Variants in CLIC5 observed in about 807,000 individuals in gnomAD.
CLIC5 encodes chloride intracellular channel protein 5.
CLIC5 carries 20 observed loss-of-function variants against 24.7 expected under a neutral mutation model. That is an observed-to-expected ratio of 0.81 (90% confidence interval 0.57 to 1.18). CLIC5 has a LOEUF of 1.18. CLIC5 is among the 50% of genes most tolerant of loss of function. CLIC5 has a pLI of 0.00. For missense variants in CLIC5, 341 were observed against 326.1 expected (o/e 1.05, Z -0.35); for synonymous variants, 159 against 135.6 (o/e 1.17, Z -1.20).
intron 6 of CLIC5, among the ~76,000 whole-genome samples, chr6:45,882,677 T>C (rs1762273593): frequency 6.6e-6 from 1 of 152,236 alleles, no homozygotes; most frequent in East Asian, 1.9e-4. Context: ...CTCCTTATAA[T>C]TGATGATAAG....
intron 1 of CLIC5, among the ~76,000 whole-genome samples, chr6:46,000,087 C>A (rs956272276): frequency 1.2e-4 from 19 of 152,134 alleles, no homozygotes; most frequent in African/African-American, 4.1e-4. Context: ...TCTGTTATCT[C>A]CTTACTGTAT....
chr6:45,990,799 C>T (rs1765909447), intron 1 of CLIC5, among the ~76,000 whole-genome samples: 1 of 152,164 alleles, frequency 6.6e-6, no homozygotes, highest in Non-Finnish European at 1.5e-5. Context: ...CTGTCAGCTC[C>T]CTTAAGTGGC....
In CLIC5 at chr6:45,987,149, T is replaced by C. The variant is rs144429862; in HGVS notation, c.63+28331A>G. Among the ~76,000 whole-genome samples, 184 of 152,310 alleles carry C rather than the reference T, an allele frequency of 1.2e-3. 1 individual carries two copies. Among genetic ancestry groups the C allele is most frequent in the African/African-American group, 4.2e-3 (175 of 41,574 alleles). ...CATTTGACCCCATTAACTTAGTTGG[T>C]ATGTGGGAAGCTCTGCAAAATGTTT... On this transcript the variant is annotated intron_variant, in intron 1 of 5. Coordinates refer to ENST00000339561, the MANE Select transcript of CLIC5 (RefSeq NM_016929.5).
At chr6:45,988,909 C>T (rs1203295778) in intron 1 of CLIC5, among the ~76,000 whole-genome samples, 6 of 152,114 alleles carry the variant, frequency 3.9e-5, no homozygotes. Flanking sequence ...GGGGGAATGA[C>T]CTGGGGAGAA....
rs368434819 is a variant in CLIC5, at chr6:45,935,501, C to G, written c.406+6046G>C. Among the ~76,000 whole-genome samples the G allele has an allele frequency of 2.6e-5, 4 of 152,328 alleles. No homozygotes were observed. The South Asian group carries it at 8.3e-4, about 32-fold the overall frequency. On this transcript the variant is annotated intron_variant, in intron 4 of 5. Coordinates refer to ENST00000339561, the MANE Select transcript of CLIC5 (RefSeq NM_016929.5). ...GCATGGATGACACTGTGCCCTCCCT[C>G]AAGCCTTCTACTTCAGCACTCTATG... is the stretch of plus-strand genomic sequence containing the variant.
At chr6:46,048,063 C>T (rs2021338) in intron 1 of CLIC5, among the ~76,000 whole-genome samples, 35,364 of 149,026 alleles carry the variant, frequency 0.24, 4,656 homozygotes, top group Admixed American at 0.35. Context: ...AGTGCAGTGG[C>T]GCAATTTTGG....
At chr6:46,099,293 A>G in the CLIC5 span, among the ~76,000 whole-genome samples, 1 of 152,186 alleles carries the variant, frequency 6.6e-6, no homozygotes, top group African/African-American at 2.4e-5. Flanking sequence ...TACCAGACCG[A>G]GTTTTCAGGA....
At chr6:45,995,657 T>C (rs921732578) in intron 1 of CLIC5, among the ~76,000 whole-genome samples, 7 of 152,214 alleles carry the variant, frequency 4.6e-5, no homozygotes, top group African/African-American at 1.7e-4. Context: ...AAATTAGGTG[T>C]TACAATTAAT....
At chr6:46,090,848 C>A in the CLIC5 span, among the ~76,000 whole-genome samples, 1 of 152,248 alleles carries the variant, frequency 6.6e-6, no homozygotes, top group African/African-American at 2.4e-5. Context: ...TGAAATGTAA[C>A]CTAATGTGGT....
chr6:46,053,456 G>C (rs1768160214), intron 1 of CLIC5, among the ~76,000 whole-genome samples: 1 of 152,228 alleles, frequency 6.6e-6, no homozygotes, highest in South Asian at 2.1e-4. Flanking sequence ...ATAAAAGGAT[G>C]AAAGTATGTA....
intron 1 of CLIC5, among the ~76,000 whole-genome samples, chr6:46,075,604 A>C (rs1403633146): frequency 1.3e-5 from 2 of 152,148 alleles, no homozygotes; most frequent in Non-Finnish European, 2.9e-5. Flanking sequence ...ACGAAAACAA[A>C]AACCTGCTCT....
Position 45,902,789 on chromosome 6 carries a change from A to C in CLIC5, c.*299T>G, listed in dbSNP as rs530403654. The C allele has an allele frequency of 4.5e-5, 17 of 376,802 alleles. No individual in the cohort carries two copies. In the South Asian group the frequency reaches 7.2e-4, roughly 16 times the overall value. 23.3% of individuals were successfully genotyped at this position (376,802 alleles called of 1,614,324 possible). A position where few individuals can be genotyped will look rare whatever the true frequency, so the allele number is the denominator to read the frequency against. On this transcript the variant is annotated 3_prime_UTR_variant, in exon 6 of 6. Transcript: ENST00000339561. Reference sequence around the variant, plus strand: ...GATATTGGCAGAAGAAGCTAGTGGCAATCCCATATGTGGGCTCTCCAACAC... The same window carrying C: ...GATATTGGCAGAAGAAGCTAGTGGCCATCCCATATGTGGGCTCTCCAACAC...
At chr6:45,968,583 A>G (rs1323265978) in intron 1 of CLIC5, among the ~76,000 whole-genome samples, 1 of 152,232 alleles carries the variant, frequency 6.6e-6, no homozygotes, top group African/African-American at 2.4e-5. Context: ...AGGCACTCTT[A>G]TCACAAAACT....
intron 4 of CLIC5, among the ~76,000 whole-genome samples, chr6:45,937,765 A>G (rs1339657197): frequency 2.6e-5 from 4 of 152,148 alleles, no homozygotes; most frequent in Non-Finnish European, 4.4e-5. Context: ...CCATTACTCC[A>G]GTACTGCTGG....
the CLIC5 span, among the ~76,000 whole-genome samples, chr6:46,102,382 A>G: frequency 3.9e-4 from 59 of 152,280 alleles, no homozygotes; most frequent in African/African-American, 1.4e-3. Flanking sequence ...AGGGCCCTCT[A>G]TGGAATGGAG....
chr6:46,117,310 C>A, the CLIC5 span, among the ~76,000 whole-genome samples: 1 of 152,146 alleles, frequency 6.6e-6, no homozygotes, highest in Non-Finnish European at 1.5e-5. Flanking sequence ...AAATAGAAGT[C>A]CTCAGACACC....
chr6:45,988,625 G>A (rs967818892), intron 1 of CLIC5, among the ~76,000 whole-genome samples: 11 of 152,156 alleles, frequency 7.2e-5, no homozygotes, highest in South Asian at 4.1e-4. Flanking sequence ...TTCATGCCAC[G>A]CTTAACTATT....
the CLIC5 span, among the ~76,000 whole-genome samples, chr6:46,114,698 G>A: frequency 0.011 from 1,637 of 152,218 alleles, 11 homozygotes; most frequent in Non-Finnish European, 0.016. Flanking sequence ...CAACCCTTCA[G>A]AATTATGAGA....
chr6:46,108,401 TGAGA>T, the CLIC5 span, among the ~76,000 whole-genome samples: 6 of 141,672 alleles, frequency 4.2e-5, no homozygotes, highest in East Asian at 2.1e-4. Flanking sequence ...TGTGTGTGTG[TGAGA>T]GAGAGAGAGA....
Sources: gnomAD v4.1 joint callset for allele counts (sites outside exome capture counted in the v4.1 genomes callset) on GRCh38, gnomAD v4.1.1 for gene constraint, MANE v1.5 for transcripts, NCBI Gene and HGNC (gene_info 2026-07-23, HGNC 2026-07-21) for gene names.